DCAKD: variants seen among roughly 807,000 people sequenced by gnomAD.
The protein encoded by DCAKD is dephospho-CoA kinase domain-containing protein.
Under a neutral mutation model 18.7 loss-of-function variants are expected in DCAKD, and 15 were observed. The ratio of observed to expected loss-of-function variants is 0.80; its 90% CI spans 0.54 to 1.24. The LOEUF is 1.24. Among genes scored for constraint, DCAKD ranks in the 50% most tolerant of loss-of-function variants. DCAKD has a pLI of 0.00. For synonymous variants in DCAKD, 130 were observed against 133.0 expected, an observed-to-expected ratio of 0.98 and a Z score of 0.16; for missense variants, 301 against 322.0, an observed-to-expected ratio of 0.93 and a Z score of 0.50.
upstream of DCAKD, among the ~76,000 whole-genome samples, chr17:45,052,448 C>T (rs544902911): frequency 6.6e-6 from 1 of 152,252 alleles, no homozygotes; most frequent in East Asian, 1.9e-4. Flanking sequence ...ATCCATTTGC[C>T]CTCTCATACA....
intron 3 of DCAKD, chr17:45,031,441 A>C: frequency 1.1e-6 from 1 of 948,460 alleles, no homozygotes; most frequent in Non-Finnish European, 1.3e-6. Context: ...AGTAAAAAGA[A>C]TACCTACTTC....
At chr17:45,048,919 T>A (rs1422520024) in intron 1 of DCAKD, among the ~76,000 whole-genome samples, 1 of 151,758 alleles carries the variant, frequency 6.6e-6, no homozygotes, top group Non-Finnish European at 1.5e-5. Context: ...TTGCTTTCAT[T>A]TGGAAAAAAA....
At chr17:45,034,111 C>T in intron 3 of DCAKD, 76 bp downstream of exon 3, 1 of 1,606,920 alleles carries the variant, frequency 6.2e-7, no homozygotes, top group South Asian at 1.1e-5. Flanking sequence ...CCTACCCTGG[C>T]CAAACTTTCT....
chr17:45,058,713 C>T (rs1011113793), intron 1 of DCAKD, among the ~76,000 whole-genome samples: 14 of 152,178 alleles, frequency 9.2e-5, no homozygotes, highest in Non-Finnish European at 1.6e-4. Context: ...TAAGCCCCAG[C>T]GCCTGGCCTG....
At chr17:45,034,069 G>GTA (rs1480539867) in intron 3 of DCAKD, 118 bp downstream of exon 3, 1 of 1,599,456 alleles carries the variant, frequency 6.3e-7, no homozygotes, top group African/African-American at 1.3e-5. Context: ...CCAGTAAGCA[G>GTA]TATGAACTCA....
chr17:45,043,730 C>T (rs560676147), intron 1 of DCAKD, among the ~76,000 whole-genome samples: 38 of 152,286 alleles, frequency 2.5e-4, no homozygotes, highest in Non-Finnish European at 4.3e-4. Flanking sequence ...TTTGGTCTCT[C>T]GGCTCCCTCC....
At chr17:45,027,940 C>T (rs1431058143) in intron 4 of DCAKD, among the ~76,000 whole-genome samples, 1 of 147,884 alleles carries the variant, frequency 6.8e-6, no homozygotes, top group Non-Finnish European at 1.5e-5. Context: ...GAGCTGAGAT[C>T]GCGCCACTGT....
intron 4 of DCAKD, chr17:45,026,537 A>G (rs55933307): frequency 0.19 from 175,874 of 916,534 alleles, 17,566 homozygotes; most frequent in Middle Eastern, 0.21. Context: ...TTTATTTTTA[A>G]ATAAATATAG....
intron 3 of DCAKD, 86 bp from the exon 4 acceptor site, chr17:45,030,265 C>T (rs746801135): frequency 8.6e-6 from 11 of 1,276,182 alleles, no homozygotes; most frequent in Admixed American, 1.7e-5. Context: ...CCGTCCAGAG[C>T]GCCCAGCAGA....
chr17:45,048,971 AC>A (rs1322965195), intron 1 of DCAKD, among the ~76,000 whole-genome samples: 2 of 151,450 alleles, frequency 1.3e-5, no homozygotes, highest in Non-Finnish European at 2.9e-5. Context: ...AGTCCCAGCT[AC>A]TGGGGAAGCT....
chr17:45,046,558 G>C lies in DCAKD; in HGVS notation c.-115+4803C>G, dbSNP rs570218137. 3.4e-5 allele frequency among the ~76,000 whole-genome samples: 5 copies of C among 145,798 alleles called. 1 individual carries two copies. The highest frequency in any genetic ancestry group is 1.3e-4 in the African/African-American group (5 of 38,890). On this transcript the variant is annotated intron_variant, in intron 1 of 4. Transcript: ENST00000651974. ...TTAAACCTGGGAGGTGGAGGTTGCAGTGAGCCGAGATCGTGCCATTGCATT... is the reference window on the plus strand; with the variant it reads ...TTAAACCTGGGAGGTGGAGGTTGCACTGAGCCGAGATCGTGCCATTGCATT...
At chr17:45,039,542 A>T (rs1302875458) in intron 1 of DCAKD, among the ~76,000 whole-genome samples, 2 of 152,214 alleles carry the variant, frequency 1.3e-5, no homozygotes, top group Non-Finnish European at 2.9e-5. Flanking sequence ...GGAAGTGGAA[A>T]GTCCTGGGTC....
At chr17:45,028,409 CTTTT>C (rs545681429) in intron 4 of DCAKD, among the ~76,000 whole-genome samples, 3 of 132,774 alleles carry the variant, frequency 2.3e-5, no homozygotes, top group African/African-American at 8.4e-5. Context: ...CACACCCGGC[CTTTT>C]TTTTTTTTTT....
chr17:45,037,047 A>G (rs1227040799), intron 1 of DCAKD, among the ~76,000 whole-genome samples: 1 of 152,174 alleles, frequency 6.6e-6, no homozygotes, highest in East Asian at 1.9e-4. Flanking sequence ...CAGGGGACCA[A>G]CCTAGAAATT....
chr17:45,048,145 T>A (rs1268609454), intron 1 of DCAKD, among the ~76,000 whole-genome samples: 1 of 151,896 alleles, frequency 6.6e-6, no homozygotes, highest in Non-Finnish European at 1.5e-5. Context: ...TCCCAGCACT[T>A]TGGGAAGTCA....
intron 4 of DCAKD, 92 bp downstream of exon 4, chr17:45,030,000 C>T (rs1039132253): frequency 2.5e-5 from 30 of 1,218,818 alleles, no homozygotes; most frequent in Non-Finnish European, 2.9e-5. Flanking sequence ...TTGGCCGCCC[C>T]GTGGGGAAAG....
In DCAKD at chr17:45,024,314, TGTGTGTGTGTGTGTGTGTGTGTGTGG is replaced by T. The variant is rs879217844; in HGVS notation, c.*93_*118del. ...GTGTGTGTGTGTGTGTGTGTGTGTG[TGTGTGTGTGTGTGTGTGTGTGTGTGG>T]GGAGGGGGCTGAGAGGAAACAGGAT... On this transcript the variant is annotated 3_prime_UTR_variant, in exon 5 of 5. Transcript: ENST00000651974. 0.021 allele frequency: 11,616 copies of T among 563,196 alleles called. 304 individuals are homozygous for T. Among genetic ancestry groups the T allele is most frequent in the Non-Finnish European group, 0.025 (8,937 of 355,496 alleles). The allele number at this position is 563,196 out of a possible 1,614,324, so 34.9% of individuals were successfully genotyped here. A position where few individuals can be genotyped will look rare whatever the true frequency, so the allele number is the denominator to read the frequency against.
intron 1 of DCAKD, among the ~76,000 whole-genome samples, chr17:45,059,888 G>A (rs2053829431): frequency 6.6e-6 from 1 of 152,020 alleles, no homozygotes; most frequent in South Asian, 2.1e-4. Context: ...GGCAGATCAC[G>A]AGGTCAGGAG....
In DCAKD at chr17:45,058,186, G is replaced by A. The variant is rs576461619; in HGVS notation, c.-118+2702C>T. Among the ~76,000 whole-genome samples, 5 of 151,826 alleles carry A rather than the reference G, an allele frequency of 3.3e-5. No individual in the cohort carries two copies. In the East Asian group the frequency reaches 5.8e-4, roughly 18 times the overall value. ...AAAAATTAGCCAGGCATGGGGGTGC[G>A]CACCTGTAGTCCCAGCTACCGGGGA... On this transcript the variant is annotated intron_variant, in intron 1 of 4. Coordinates refer to the DCAKD transcript ENST00000310604.
Sources: allele counts gnomAD v4.1 joint callset (sites outside exome capture counted in the v4.1 genomes callset), GRCh38; gene constraint gnomAD v4.1.1; transcripts MANE v1.5; gene names NCBI Gene and HGNC (gene_info 2026-07-23, HGNC 2026-07-21).